Variants in RPH3A observed in about 807,000 individuals in gnomAD.
RPH3A encodes the protein rabphilin-3A.
A neutral mutation model predicts 102.2 loss-of-function variants in RPH3A; 48 were observed. That is an observed-to-expected ratio of 0.47 (90% CI 0.37 to 0.60). The LOEUF (loss-of-function observed/expected upper bound fraction) is 0.60. RPH3A is among the 20% of genes least tolerant of loss of function. RPH3A has a pLI of 0.00. For synonymous variants in RPH3A, 310 were observed against 324.3 expected, an observed-to-expected ratio of 0.96 and a Z score of 0.47; for missense variants, 781 against 910.1, an observed-to-expected ratio of 0.86 and a Z score of 1.83.
intron 1 of RPH3A, among the ~76,000 whole-genome samples, chr12:112,774,886 C>T (rs2136074633): frequency 6.6e-6 from 1 of 151,580 alleles, no homozygotes; most frequent in African/African-American, 2.4e-5. Context: ...ATGGGATGAT[C>T]TGTGCAGCAA....
intron 1 of RPH3A, among the ~76,000 whole-genome samples, chr12:112,747,421 C>T (rs1198715495): frequency 6.6e-6 from 1 of 152,188 alleles, no homozygotes; most frequent in Non-Finnish European, 1.5e-5. Context: ...TTCCAGCCTC[C>T]AGAACTATAA....
chr12:112,849,274 C>T (rs1299433442), intron 5 of RPH3A, among the ~76,000 whole-genome samples: 1 of 152,178 alleles, frequency 6.6e-6, no homozygotes, highest in Non-Finnish European at 1.5e-5. Context: ...GTCAGCTTCA[C>T]ACTTGGCCCT....
At chr12:112,749,752 C>T (rs1285489643) in intron 1 of RPH3A, among the ~76,000 whole-genome samples, 1 of 152,230 alleles carries the variant, frequency 6.6e-6, no homozygotes, top group African/African-American at 2.4e-5. Flanking sequence ...ACATTAATGT[C>T]TGCCTTCTTT....
intron 1 of RPH3A, among the ~76,000 whole-genome samples, chr12:112,579,394 A>T (rs1480256277): frequency 6.6e-6 from 1 of 152,128 alleles, no homozygotes. Context: ...CTCAGAATTA[A>T]TCTGTGGGCA....
intron 1 of RPH3A, chr12:112,718,063 C>A (rs559462290): frequency 6.6e-6 from 1 of 152,108 alleles, no homozygotes; most frequent in African/African-American, 2.4e-5. Context: ...CAAATTGAAC[C>A]CTTTCCCCTT....
chr12:112,732,457 A>G (rs768423530), intron 1 of RPH3A, among the ~76,000 whole-genome samples: 23 of 152,220 alleles, frequency 1.5e-4, no homozygotes, highest in Non-Finnish European at 2.8e-4. Flanking sequence ...TGTAGTGAGA[A>G]TTTGATGAGT....
chr12:112,842,366 T>A (rs1011644226), intron 4 of RPH3A, among the ~76,000 whole-genome samples: 1 of 152,246 alleles, frequency 6.6e-6, no homozygotes, highest in Admixed American at 6.5e-5. Flanking sequence ...ATGGTCTAGT[T>A]GACCCTCATA....
At chr12:112,644,504 G>A (rs1214086867) in intron 1 of RPH3A, among the ~76,000 whole-genome samples, 2 of 152,156 alleles carry the variant, frequency 1.3e-5, no homozygotes, top group East Asian at 1.9e-4. Context: ...CCCTGCAAAT[G>A]AGCCAAAAGA....
chr12:112,612,320 A>C (rs547193740), intron 1 of RPH3A, among the ~76,000 whole-genome samples: 6 of 152,108 alleles, frequency 3.9e-5, no homozygotes, highest in Non-Finnish European at 7.3e-5. Flanking sequence ...GGTGTAATTG[A>C]GGTTAAGTGT....
At chr12:112,578,749 C>T (rs10850061) in intron 1 of RPH3A, among the ~76,000 whole-genome samples, 22,477 of 152,120 alleles carry the variant, frequency 0.15, 3,052 homozygotes, top group East Asian at 0.79. Context: ...TTACAGGGTC[C>T]GAGCATGAAA....
chr12:112,778,772 G>A (rs2040986718), intron 1 of RPH3A, among the ~76,000 whole-genome samples: 1 of 152,178 alleles, frequency 6.6e-6, no homozygotes, highest in African/African-American at 2.4e-5. Flanking sequence ...TGATGAAAAT[G>A]ATATGCCTCT....
At chr12:112,816,616 A>C (rs2041675738) in intron 2 of RPH3A, among the ~76,000 whole-genome samples, 1 of 152,176 alleles carries the variant, frequency 6.6e-6, no homozygotes, top group Non-Finnish European at 1.5e-5. Flanking sequence ...AGGGAAAGGG[A>C]GGGCCAATCT....
At chr12:112,650,684 G>A (rs2039967604) in intron 1 of RPH3A, 1 of 151,644 alleles carries the variant, frequency 6.6e-6, no homozygotes. Flanking sequence ...TCTGACACAT[G>A]AAGACAATAA....
intron 1 of RPH3A, among the ~76,000 whole-genome samples, chr12:112,641,170 G>T (rs1490375460): frequency 1.3e-5 from 2 of 152,208 alleles, no homozygotes; most frequent in Non-Finnish European, 2.9e-5. Flanking sequence ...ATTTTGAAAA[G>T]GTCATCATTT....
intron 1 of RPH3A, among the ~76,000 whole-genome samples, chr12:112,742,890 C>T (rs920183844): frequency 6.6e-5 from 10 of 152,176 alleles, no homozygotes; most frequent in Admixed American, 2.0e-4. Context: ...GTTGGCAGGG[C>T]TGTGTTCCTC....
At chr12:112,889,209 G>A (rs186091139) in intron 17 of RPH3A, among the ~76,000 whole-genome samples, 5 of 152,376 alleles carry the variant, frequency 3.3e-5, no homozygotes, top group Admixed American at 2.6e-4. Flanking sequence ...CTAGGAATGA[G>A]GCCCTTCTTC....
chr12:112,876,761 T>C lies in RPH3A; in HGVS notation c.1066T>C (p.Tyr356His). 1 of 1,612,348 alleles carries C rather than the reference T, an allele frequency of 6.2e-7. No individual in the cohort carries two copies. The highest frequency in any genetic ancestry group is 2.2e-5 in the East Asian group (1 of 44,770). Residue 356 changes from tyrosine to histidine, a missense_variant, in exon 13 of 22, where the codon TAT becomes CAT. By Grantham distance (83) the Tyr-to-His change is moderately conservative (BLOSUM62 2). Transcript: ENST00000389385. ...CCGAATGAGCCACCCCTCCGGACCCTATTCCCAAGCATCTGCAGCTGCCCC... is the reference window on the plus strand; with the variant it reads ...CCGAATGAGCCACCCCTCCGGACCCCATTCCCAAGCATCTGCAGCTGCCCC... ...EDRMSHPSGP[Y>H]SQASAAAPQP...
chr12:112,586,601 A>G (rs999271431), intron 1 of RPH3A, among the ~76,000 whole-genome samples: 2 of 152,138 alleles, frequency 1.3e-5, no homozygotes, highest in Admixed American at 6.5e-5. Context: ...ACAGGTGGGT[A>G]GGGGCCAGGT....
Position 112,739,679 on chromosome 12 carries a change from T to A in RPH3A, c.-139-52464T>A, listed in dbSNP as rs75106881. Among the ~76,000 whole-genome samples the A allele has an allele frequency of 8.9e-3, 1,356 of 152,326 alleles. 94 individuals are homozygous for A. In the East Asian group the frequency reaches 0.17, roughly 19 times the overall value. ...ACCAGCCGTCCTGGTCTTGGCCTTA[T>A]TTATCTGTCCTCTGTTCTTTTCTGA... On this transcript the variant is annotated intron_variant, in intron 1 of 21. Transcript: ENST00000543106.
Sources: allele counts gnomAD v4.1 joint callset (sites outside exome capture counted in the v4.1 genomes callset), GRCh38; gene constraint gnomAD v4.1.1; transcripts MANE v1.5; gene names NCBI Gene and HGNC (gene_info 2026-07-23, HGNC 2026-07-21).